BTC: variants seen among roughly 807,000 people sequenced by gnomAD.
BTC encodes the protein probetacellulin.
In BTC, 13 loss-of-function variants were observed where a neutral mutation model predicts 18.1. That is an observed-to-expected ratio of 0.72 (90% confidence interval 0.47 to 1.14). The LOEUF (loss-of-function observed/expected upper bound fraction) is 1.14, where lower values mean the gene tolerates loss of function less well. Among genes scored for constraint, BTC ranks in the 50% most tolerant of loss-of-function variants. BTC has a pLI of 0.00. For missense variants in BTC, 247 were observed against 224.2 expected, an observed-to-expected ratio of 1.10 and a Z score of -0.65; for synonymous variants, 83 against 79.4, an observed-to-expected ratio of 1.05 and a Z score of -0.24.
intron 1 of BTC, among the ~76,000 whole-genome samples, chr4:74,787,364 T>C (rs1401690220): frequency 6.6e-6 from 1 of 152,208 alleles, no homozygotes; most frequent in African/African-American, 2.4e-5. Flanking sequence ...TATTTGACCT[T>C]GTTTAATTGA....
intron 1 of BTC, among the ~76,000 whole-genome samples, chr4:74,781,861 A>G (rs1725340520): frequency 6.6e-6 from 1 of 152,066 alleles, no homozygotes; most frequent in African/African-American, 2.4e-5. Context: ...ATTAAACAAT[A>G]ACTCCCTACT....
At chr4:74,764,134 A>C (rs1227831595) in intron 2 of BTC, among the ~76,000 whole-genome samples, 10 of 152,304 alleles carry the variant, frequency 6.6e-5, no homozygotes, top group Admixed American at 6.5e-4. Context: ...GGTGAACAAA[A>C]ATAACTACTT....
chr4:74,753,329 G>A (rs1577948769), intron 3 of BTC, among the ~76,000 whole-genome samples: 3 of 152,192 alleles, frequency 2.0e-5, no homozygotes, highest in Non-Finnish European at 4.4e-5. Flanking sequence ...TTTGAGGTAT[G>A]TGTTATCATT....
chr4:74,793,197 C>G (rs1869171), intron 1 of BTC, among the ~76,000 whole-genome samples: 31,146 of 152,150 alleles, frequency 0.2, 5,810 homozygotes, highest in African/African-American at 0.5. Context: ...TCCTCTTCAG[C>G]GTTTGTTAAA....
intron 1 of BTC, among the ~76,000 whole-genome samples, chr4:74,776,863 T>C (rs1163062826): frequency 6.6e-6 from 1 of 152,206 alleles, no homozygotes; most frequent in Non-Finnish European, 1.5e-5. Flanking sequence ...TCTGATGATT[T>C]AGGACATCTT....
Position 74,745,317 on chromosome 4 carries a change from G to A in BTC, c.*1360C>T, listed in dbSNP as rs994696216. The A allele has an allele frequency of 2.6e-5, 4 of 152,128 alleles. No homozygotes were observed. Among genetic ancestry groups the A allele is most frequent in the Non-Finnish European group, 5.9e-5 (4 of 68,022 alleles). The allele number at this position is 152,128 out of a possible 1,614,324, so 9.4% of individuals were successfully genotyped here. Reference sequence around the variant, plus strand: ...CCATGGATGCTAGAAGGTAATATGCGATTTCAGCATTTGTCTGAATTCTCC... The same window carrying A: ...CCATGGATGCTAGAAGGTAATATGCAATTTCAGCATTTGTCTGAATTCTCC... On this transcript the variant is annotated 3_prime_UTR_variant, in exon 6 of 6. Transcript: ENST00000395743.
At chr4:74,782,850 C>T (rs1006627914) in intron 1 of BTC, among the ~76,000 whole-genome samples, 5 of 152,074 alleles carry the variant, frequency 3.3e-5, no homozygotes, top group Admixed American at 1.3e-4. Flanking sequence ...CTCTAATGAT[C>T]GGTGATGTTG....
chr4:74,748,636 T>C (rs1222654431), intron 4 of BTC, among the ~76,000 whole-genome samples: 3 of 152,156 alleles, frequency 2.0e-5, no homozygotes, highest in African/African-American at 4.8e-5. Context: ...GTTATCTAAA[T>C]AGAAAAAATG....
At chr4:74,778,182 CCTT>C (rs1256663113) in intron 1 of BTC, among the ~76,000 whole-genome samples, 1 of 152,138 alleles carries the variant, frequency 6.6e-6, no homozygotes, top group African/African-American at 2.4e-5. Context: ...CTTTTGCCCT[CCTT>C]TAATCCATTG....
At chr4:74,748,518 A>G (rs1382879267) in intron 4 of BTC, among the ~76,000 whole-genome samples, 4 of 152,104 alleles carry the variant, frequency 2.6e-5, no homozygotes, top group Non-Finnish European at 5.9e-5. Flanking sequence ...CCTGGGCGAC[A>G]GAGTGAGACT....
intron 2 of BTC, among the ~76,000 whole-genome samples, chr4:74,767,828 T>C (rs919731939): frequency 6.6e-6 from 1 of 152,134 alleles, no homozygotes; most frequent in African/African-American, 2.4e-5. Flanking sequence ...GAAAACTAGA[T>C]ATCCACATGC....
chr4:74,783,197 T>G (rs1725382255), intron 1 of BTC, among the ~76,000 whole-genome samples: 2 of 152,232 alleles, frequency 1.3e-5, no homozygotes, highest in Non-Finnish European at 2.9e-5. Context: ...TGAATGTTAT[T>G]GCCTAGATTT....
At chr4:74,746,885 G>C (rs1176284294) in intron 5 of BTC, among the ~76,000 whole-genome samples, 1 of 152,168 alleles carries the variant, frequency 6.6e-6, no homozygotes, top group Non-Finnish European at 1.5e-5. Context: ...TTGTACAACT[G>C]AGCTGTGGAA....
At position 74,746,322 on chromosome 4, in the gene BTC, T is replaced by C. The variant is rs1577942575; in HGVS notation, c.*355A>G. On this transcript the variant is annotated 3_prime_UTR_variant, in exon 6 of 6. Transcript: ENST00000395743. Reference sequence around the variant, plus strand: ...AAACTTATTAGCACATGGTAAATGCTTGATAAATGGTAGCTTTATTATTAA... The same window carrying C: ...AAACTTATTAGCACATGGTAAATGCCTGATAAATGGTAGCTTTATTATTAA... The C allele has an allele frequency of 1.3e-5, 2 of 152,430 alleles. No homozygotes were observed. The highest frequency in any genetic ancestry group is 3.9e-4 in the East Asian group (2 of 5,186). 9.4% of individuals were successfully genotyped at this position (152,430 alleles called of 1,614,324 possible).
At chr4:74,779,123 T>A (rs73825048) in intron 1 of BTC, among the ~76,000 whole-genome samples, 1 of 151,680 alleles carries the variant, frequency 6.6e-6, no homozygotes, top group African/African-American at 2.4e-5. Flanking sequence ...TCCTTCTTCC[T>A]CCAATGTAAA....
chr4:74,764,161 G>A (rs1724837190), intron 2 of BTC, among the ~76,000 whole-genome samples: 1 of 152,018 alleles, frequency 6.6e-6, no homozygotes, highest in Non-Finnish European at 1.5e-5. Flanking sequence ...TGATCCTCCA[G>A]AGGAAAAATT....
chr4:74,765,016 T>C (rs1724859450), intron 2 of BTC, among the ~76,000 whole-genome samples: 1 of 99,120 alleles, frequency 1.0e-5, no homozygotes, highest in Non-Finnish European at 1.9e-5. Flanking sequence ...TATTCACTAC[T>C]ATGAGAACAG....
intron 1 of BTC, 104 bp downstream of exon 1, chr4:74,794,158 C>T: frequency 1.4e-6 from 2 of 1,424,340 alleles, no homozygotes; most frequent in South Asian, 2.5e-5. Flanking sequence ...CCAGCCCCAG[C>T]GCGCCCTCTT....
At chr4:74,773,653 C>T (rs1360762896) in intron 1 of BTC, among the ~76,000 whole-genome samples, 1 of 151,752 alleles carries the variant, frequency 6.6e-6, no homozygotes, top group Non-Finnish European at 1.5e-5. Context: ...ACTCTGTTGC[C>T]CAGGATAGAG....
Sources: allele counts gnomAD v4.1 joint callset (sites outside exome capture counted in the v4.1 genomes callset), GRCh38; gene constraint gnomAD v4.1.1; transcripts MANE v1.5; gene names NCBI Gene and HGNC (gene_info 2026-07-23, HGNC 2026-07-21).